The following CRISPLD2 variants were observed in gnomAD, a reference collection of about 807,000 sequenced individuals.
CRISPLD2 encodes cysteine rich secretory protein LCCL domain containing 2.
Under a neutral mutation model 71.1 loss-of-function variants are expected in CRISPLD2, and 47 were observed. The observed-to-expected ratio is 0.66, with a 90% CI of 0.52 to 0.84. The LOEUF is 0.84. Among genes scored for constraint, CRISPLD2 ranks in the 40% least tolerant of loss-of-function variants. The probability of loss-of-function intolerance (pLI) is 0.00; values close to 1 mark genes in which losing one functional copy is unlikely to be tolerated. For missense variants in CRISPLD2, 830 were observed against 651.1 expected (o/e 1.27, Z -2.99); for synonymous variants, 317 against 250.1 (o/e 1.27, Z -2.52).
At chr16:84,866,232 T>G (rs942633841) in intron 6 of CRISPLD2, among the ~76,000 whole-genome samples, 1 of 86,638 alleles carries the variant, frequency 1.2e-5, no homozygotes, top group Non-Finnish European at 2.5e-5. Context: ...GGCAGTTTTG[T>G]TTTTTGGTTT....
chr16:84,852,207 C>T (rs149246025), intron 5 of CRISPLD2, among the ~76,000 whole-genome samples: 88 of 152,368 alleles, frequency 5.8e-4, no homozygotes, highest in African/African-American at 2.1e-3. Flanking sequence ...AAGGCCCTGT[C>T]TCCAAGTACA....
At chr16:84,849,628 C>A in intron 4 of CRISPLD2, 111 bp downstream of exon 4, 1 of 1,216,368 alleles carries the variant, frequency 8.2e-7, no homozygotes, top group South Asian at 1.4e-5. Context: ...TTGTTGCCTT[C>A]ATTTTTAAAA....
intron 2 of CRISPLD2, among the ~76,000 whole-genome samples, chr16:84,840,192 A>C (rs962605241): frequency 6.6e-6 from 1 of 152,166 alleles, no homozygotes; most frequent in Non-Finnish European, 1.5e-5. Flanking sequence ...CCTTTGCCAC[A>C]GGCTGAGCTG....
chr16:84,855,803 C>G (rs1315827468), intron 6 of CRISPLD2, among the ~76,000 whole-genome samples: 2 of 152,188 alleles, frequency 1.3e-5, no homozygotes, highest in Non-Finnish European at 2.9e-5. Context: ...ATACAACCAT[C>G]CTTCGTAAAA....
chr16:84,881,917 T>A (rs2071571793), intron 13 of CRISPLD2, among the ~76,000 whole-genome samples: 1 of 152,190 alleles, frequency 6.6e-6, no homozygotes, highest in Non-Finnish European at 1.5e-5. Context: ...CTCTGTAAGG[T>A]CAGAGCAGGC....
chr16:84,865,819 A>T (rs1315573054), intron 6 of CRISPLD2, among the ~76,000 whole-genome samples: 1 of 152,210 alleles, frequency 6.6e-6, no homozygotes, highest in Non-Finnish European at 1.5e-5. Flanking sequence ...AAACTGGAAG[A>T]TAAGCTAACT....
chr16:84,899,578 A>G (rs1402477089), intron 14 of CRISPLD2, among the ~76,000 whole-genome samples: 2 of 152,174 alleles, frequency 1.3e-5, no homozygotes, highest in Non-Finnish European at 2.9e-5. Context: ...GATGGCACCA[A>G]CAGTTGATGC....
intron 11 of CRISPLD2, among the ~76,000 whole-genome samples, chr16:84,874,541 G>C (rs535296224): frequency 2.6e-5 from 4 of 152,298 alleles, no homozygotes; most frequent in Non-Finnish European, 4.4e-5. Context: ...CTGTGCCCTT[G>C]ACTAGAATAA....
intron 1 of CRISPLD2, among the ~76,000 whole-genome samples, chr16:84,823,635 T>C (rs1916280509): frequency 6.6e-6 from 1 of 152,192 alleles, no homozygotes; most frequent in South Asian, 2.1e-4. Context: ...TACCCCAGGC[T>C]GTACAATGAC....
intron 1 of CRISPLD2, among the ~76,000 whole-genome samples, chr16:84,822,047 C>T (rs1916242829): frequency 6.6e-6 from 1 of 152,200 alleles, no homozygotes; most frequent in Non-Finnish European, 1.5e-5. Context: ...GAGCTTGCTG[C>T]TAGTTGAGGC....
intron 13 of CRISPLD2, among the ~76,000 whole-genome samples, chr16:84,887,747 G>A (rs969455784): frequency 2.6e-5 from 4 of 152,092 alleles, no homozygotes; most frequent in East Asian, 1.9e-4. Flanking sequence ...GTGGTGGTGC[G>A]TGCCTGTAAT....
intron 14 of CRISPLD2, among the ~76,000 whole-genome samples, chr16:84,899,268 C>T (rs2071732571): frequency 6.6e-6 from 1 of 152,100 alleles, no homozygotes; most frequent in South Asian, 2.1e-4. Context: ...ATAAAAAGTC[C>T]AATACCTTTT....
At chr16:84,905,087 C>T (rs2071789487) in intron 14 of CRISPLD2, among the ~76,000 whole-genome samples, 1 of 152,058 alleles carries the variant, frequency 6.6e-6, no homozygotes, top group Non-Finnish European at 1.5e-5. Flanking sequence ...TTGAGACCAG[C>T]CTGGGCAACA....
chr16:84,889,470 G>C (rs1441214909), intron 14 of CRISPLD2, 107 bp downstream of exon 14: 2 of 1,228,400 alleles, frequency 1.6e-6, no homozygotes, highest in East Asian at 5.5e-5. Flanking sequence ...TAAAACTCGG[G>C]TAGACTTGCA....
At chr16:84,895,811 C>T (rs1039453028) in intron 14 of CRISPLD2, among the ~76,000 whole-genome samples, 1 of 152,096 alleles carries the variant, frequency 6.6e-6, no homozygotes, top group Admixed American at 6.5e-5. Flanking sequence ...TGGATGCTCG[C>T]CTCTGGCCCA....
chr16:84,868,927 G>T lies in CRISPLD2; in HGVS notation c.914+16G>T. Reference sequence around the variant, plus strand: ...CGTGTAACAGGTGAGCCTGTGCTGGGCTGTCCTGCCACTGTAGCCTCTGAG... The same window carrying T: ...CGTGTAACAGGTGAGCCTGTGCTGGTCTGTCCTGCCACTGTAGCCTCTGAG... On this transcript the variant is annotated intron_variant, in intron 8 of 14. Coordinates refer to ENST00000262424, the MANE Select transcript of CRISPLD2 (RefSeq NM_031476.4). 2.0e-6 allele frequency: 3 copies of T among 1,526,244 alleles called. No individual in the cohort carries two copies. The highest frequency in any genetic ancestry group is 2.7e-6 in the Non-Finnish European group (3 of 1,115,652). The allele number at this position is 1,526,244 out of a possible 1,614,324, so 94.5% of individuals were successfully genotyped here.
intron 6 of CRISPLD2, among the ~76,000 whole-genome samples, chr16:84,859,102 G>T (rs755817882): frequency 6.6e-6 from 1 of 152,184 alleles, no homozygotes; most frequent in Non-Finnish European, 1.5e-5. Context: ...CTAGGTAGGG[G>T]CAGCTCTAAT....
At chr16:84,857,014 C>A (rs1313645908) in intron 6 of CRISPLD2, among the ~76,000 whole-genome samples, 2 of 152,230 alleles carry the variant, frequency 1.3e-5, no homozygotes, top group East Asian at 1.9e-4. Context: ...AACCTCTGCA[C>A]TTTCTGTGAT....
At chr16:84,884,064 C>T (rs186247016) in intron 13 of CRISPLD2, among the ~76,000 whole-genome samples, 170 of 152,166 alleles carry the variant, frequency 1.1e-3, no homozygotes, top group African/African-American at 3.8e-3. Flanking sequence ...AGGTTGGTCT[C>T]GAACTCCTGA....
Sources: allele counts gnomAD v4.1 joint callset (sites outside exome capture counted in the v4.1 genomes callset), GRCh38; gene constraint gnomAD v4.1.1; transcripts MANE v1.5; gene names NCBI Gene and HGNC (gene_info 2026-07-23, HGNC 2026-07-21).